Variants in IL23R observed in about 807,000 individuals in gnomAD.
The protein encoded by IL23R is interleukin-23 receptor.
Under a neutral mutation model 56.9 loss-of-function variants are expected in IL23R, and 34 were observed. The observed-to-expected ratio is 0.60, with a 90% CI of 0.45 to 0.80. IL23R has a LOEUF of 0.80. IL23R is among the 30% of genes least tolerant of loss of function. The probability of loss-of-function intolerance (pLI) is 0.00; values close to 1 mark genes in which losing one functional copy is unlikely to be tolerated. For synonymous variants in IL23R, 230 were observed against 249.2 expected, an observed-to-expected ratio of 0.92 and a Z score of 0.73; for missense variants, 635 against 730.0, an observed-to-expected ratio of 0.87 and a Z score of 1.50.
intron 1 of IL23R, among the ~76,000 whole-genome samples, chr1:67,161,143 A>C (rs1309756652): frequency 6.6e-6 from 1 of 152,214 alleles, no homozygotes; most frequent in East Asian, 1.9e-4. Context: ...AGACAGAACA[A>C]GCGGGAAGGG....
At chr1:67,253,473 C>T (rs1426128944) in intron 9 of IL23R, among the ~76,000 whole-genome samples, 1 of 152,114 alleles carries the variant, frequency 6.6e-6, no homozygotes, top group Admixed American at 6.6e-5. Context: ...CTCCTTCTTG[C>T]CATCATTTGC....
chr1:67,180,211 A>G (rs879978780), intron 3 of IL23R, among the ~76,000 whole-genome samples: 1 of 152,164 alleles, frequency 6.6e-6, no homozygotes, highest in Non-Finnish European at 1.5e-5. Flanking sequence ...TAATGTTGAC[A>G]GTGGGGTGTT....
chr1:67,231,304 A>G (rs972334334), intron 7 of IL23R, among the ~76,000 whole-genome samples: 3 of 152,246 alleles, frequency 2.0e-5, no homozygotes, highest in Admixed American at 2.0e-4. Context: ...TTTATGTACA[A>G]TGATATACAT....
chr1:67,218,587 G>GTATATTCCAAAATTAAGAA lies in IL23R; in HGVS notation c.799-950_799-932dup, dbSNP rs71062404. ...ACCATTTCTCCACCCCATTAAAAGA[G>GTATATTCCAAAATTAAGAA]TATATTCCAAAATTAAGAATATATT... On this transcript the variant is annotated intron_variant, in intron 6 of 10. Coordinates refer to ENST00000347310, the MANE Select transcript of IL23R (RefSeq NM_144701.3). 7.7e-3 allele frequency among the ~76,000 whole-genome samples: 1,159 copies of GTATATTCCAAAATTAAGAA among 151,394 alleles called. 13 individuals carry two copies. Among genetic ancestry groups the GTATATTCCAAAATTAAGAA allele is most frequent in the Admixed American group, 0.012 (176 of 15,078 alleles).
At chr1:67,254,706 G>A (rs1011770285) in intron 9 of IL23R, among the ~76,000 whole-genome samples, 1 of 152,122 alleles carries the variant, frequency 6.6e-6, no homozygotes, top group African/African-American at 2.4e-5. Context: ...AGTCTGATCC[G>A]TTGCTAACAG....
intron 4 of IL23R, among the ~76,000 whole-genome samples, chr1:67,199,049 A>G (rs527821158): frequency 3.9e-5 from 6 of 152,024 alleles, no homozygotes; most frequent in African/African-American, 1.4e-4. Flanking sequence ...CACCACTTTC[A>G]TTTCCCACAA....
intron 1 of IL23R, 104 bp from the exon 2 acceptor site, chr1:67,167,988 C>A: frequency 1.5e-6 from 1 of 686,232 alleles, no homozygotes; most frequent in South Asian, 1.7e-5. Context: ...CCTCCCTAAT[C>A]AAAGGTTCCC....
chr1:67,240,590 A>T (rs1651783308), intron 9 of IL23R, among the ~76,000 whole-genome samples: 1 of 152,204 alleles, frequency 6.6e-6, no homozygotes, highest in Non-Finnish European at 1.5e-5. Context: ...GTCCAAACAC[A>T]GCTGATATCA....
chr1:67,139,945 T>G (rs1046502386), intron 1 of IL23R, among the ~76,000 whole-genome samples: 1 of 152,150 alleles, frequency 6.6e-6, no homozygotes, highest in African/African-American at 2.4e-5. Context: ...GGAGTGGGAT[T>G]GGTGGTTTTA....
chr1:67,262,960 T>A (rs1391625238), downstream of IL23R, among the ~76,000 whole-genome samples: 4 of 152,146 alleles, frequency 2.6e-5, no homozygotes, highest in Non-Finnish European at 5.9e-5. Context: ...CGTTTCCTCC[T>A]GCTCTAGTAT....
chr1:67,248,156 G>C (rs1422054218), intron 9 of IL23R, among the ~76,000 whole-genome samples: 1 of 152,060 alleles, frequency 6.6e-6, no homozygotes, highest in Non-Finnish European at 1.5e-5. Context: ...TTAAAGTTTG[G>C]CCTGTTTTGC....
chr1:67,148,840 C>T (rs1646704600), intron 1 of IL23R, among the ~76,000 whole-genome samples: 1 of 152,126 alleles, frequency 6.6e-6, no homozygotes, highest in Admixed American at 6.6e-5. Flanking sequence ...GGCTCTGAAC[C>T]TAAACTTCAG....
intron 1 of IL23R, among the ~76,000 whole-genome samples, chr1:67,150,802 A>G (rs973530575): frequency 3.3e-5 from 5 of 152,060 alleles, no homozygotes; most frequent in African/African-American, 9.7e-5. Flanking sequence ...ATTTAAAGCC[A>G]CAAAGTATTC....
chr1:67,258,509 G>C lies in IL23R; in HGVS notation c.1271G>C (p.Ser424Thr), dbSNP rs1653073249. 15 of 1,597,998 alleles carry C rather than the reference G, an allele frequency of 9.4e-6. No homozygotes were observed. Among genetic ancestry groups the C allele is most frequent in the Non-Finnish European group, 1.3e-5 (15 of 1,172,834 alleles). ...AGTGAACTTATGAATAATAATTCCAGTGAGCAGGTCCTATATGTTGATCCC... is the reference window on the plus strand; with the variant it reads ...AGTGAACTTATGAATAATAATTCCACTGAGCAGGTCCTATATGTTGATCCC... ...ENSELMNNNS[S>T]EQVLYVDPMI... The change falls in exon 11 of 11, where the codon AGT (serine) becomes ACT (threonine). Residue 424 changes from serine to threonine, a missense_variant. Physicochemically the swap from Ser to Thr is moderately conservative, Grantham distance 58. Coordinates refer to ENST00000347310, the MANE Select transcript of IL23R (RefSeq NM_144701.3).
chr1:67,251,617 T>G (rs1051608942), intron 9 of IL23R, among the ~76,000 whole-genome samples: 1 of 152,164 alleles, frequency 6.6e-6, no homozygotes, highest in African/African-American at 2.4e-5. Context: ...ATTTCTGGCT[T>G]TTGAACTTTA....
chr1:67,262,979 C>T (rs115073566), downstream of IL23R, among the ~76,000 whole-genome samples: 1,169 of 152,172 alleles, frequency 7.7e-3, 16 homozygotes, highest in African/African-American at 0.026. Context: ...ATCTTTCTCT[C>T]CCTCTCCCTC....
chr1:67,198,542 CT>C (rs1309349012), intron 4 of IL23R, among the ~76,000 whole-genome samples: 4 of 152,320 alleles, frequency 2.6e-5, no homozygotes, highest in Non-Finnish European at 5.9e-5. Context: ...CTCTATTCCC[CT>C]GTTCTAAACT....
chr1:67,178,762 G>C (rs575483969), intron 3 of IL23R, among the ~76,000 whole-genome samples: 1 of 152,152 alleles, frequency 6.6e-6, no homozygotes, highest in Non-Finnish European at 1.5e-5. Flanking sequence ...GTTTGTCATA[G>C]ATAGCTCTTA....
intron 4 of IL23R, among the ~76,000 whole-genome samples, chr1:67,185,311 A>G (rs933935630): frequency 6.6e-6 from 1 of 152,218 alleles, no homozygotes; most frequent in Non-Finnish European, 1.5e-5. Flanking sequence ...TTTCTGCTGA[A>G]GGTGTGTGGA....
Sources: allele counts gnomAD v4.1 joint callset (sites outside exome capture counted in the v4.1 genomes callset), GRCh38; gene constraint gnomAD v4.1.1; transcripts MANE v1.5; gene names NCBI Gene and HGNC (gene_info 2026-07-23, HGNC 2026-07-21).